HNMT: variants seen among roughly 807,000 people sequenced by gnomAD.
HNMT encodes the protein histamine N-methyltransferase.
In HNMT, 30 loss-of-function variants were observed where a neutral mutation model predicts 32.1. That is an observed-to-expected ratio of 0.93 (90% CI 0.70 to 1.27). The LOEUF (loss-of-function observed/expected upper bound fraction) is 1.27, where lower values mean the gene tolerates loss of function less well. HNMT is among the 50% of genes most tolerant of loss of function. The probability of loss-of-function intolerance (pLI) is 0.00; values close to 1 mark genes in which losing one functional copy is unlikely to be tolerated. For synonymous variants in HNMT, 125 were observed against 119.0 expected (o/e 1.05, Z -0.33); for missense variants, 327 against 346.0 (o/e 0.95, Z 0.43).
At chr2:138,010,441 G>GCACACACACACA (rs56391028) in intron 5 of HNMT, among the ~76,000 whole-genome samples, 3 of 125,586 alleles carry the variant, frequency 2.4e-5, no homozygotes, top group Non-Finnish European at 3.5e-5. Context: ...AAAGACACAC[G>GCACACACACACA]CACACACACA....
chr2:138,000,848 A>G (rs1487447582), intron 2 of HNMT, 70 bp from the exon 3 acceptor site: 3 of 787,232 alleles, frequency 3.8e-6, no homozygotes, highest in Non-Finnish European at 6.2e-6. Context: ...CAGATAATAA[A>G]TCAGCTAAAA....
intron 2 of HNMT, among the ~76,000 whole-genome samples, chr2:137,982,739 G>C (rs1232650003): frequency 6.6e-6 from 1 of 152,120 alleles, no homozygotes; most frequent in Non-Finnish European, 1.5e-5. Flanking sequence ...TTTGCTCATC[G>C]ATATTGCTTA....
In HNMT at chr2:138,000,981, A is replaced by G. The variant is rs773353371; in HGVS notation, c.254A>G (p.Asn85Ser). The G allele has an allele frequency of 8.1e-6, 13 of 1,609,590 alleles. No homozygotes were observed. The highest frequency in any genetic ancestry group is 1.1e-5 in the Non-Finnish European group (13 of 1,178,052). The stretch of plus-strand genomic sequence containing the variant: ...CAATACCCAGGAGTTTGTATCAACA[A>G]TGAAGTTGTTGAGCCAAGTGCTGAA... Reference protein sequence around the residue: ...QAQYPGVCINNEVVEPSAEQI... With the variant: ...QAQYPGVCINSEVVEPSAEQI... Residue 85 changes from asparagine (N) to serine (S), a missense_variant, in exon 3 of 6, where the codon AAT becomes AGT. Coordinates refer to ENST00000280097, the MANE Select transcript of HNMT (RefSeq NM_006895.3).
chr2:137,995,008 A>G (rs898835136), intron 2 of HNMT, among the ~76,000 whole-genome samples: 1 of 152,064 alleles, frequency 6.6e-6, no homozygotes, highest in African/African-American at 2.4e-5. Flanking sequence ...CTGGGACACA[A>G]CTAAAGCAGT....
intron 5 of HNMT, among the ~76,000 whole-genome samples, chr2:138,008,742 G>C (rs944568191): frequency 6.6e-6 from 1 of 152,012 alleles, no homozygotes; most frequent in Non-Finnish European, 1.5e-5. Flanking sequence ...ACTGAAGCCA[G>C]TCTCCTTCCT....
intron 2 of HNMT, among the ~76,000 whole-genome samples, chr2:137,971,186 C>CTTT (rs112341366): frequency 6.9e-6 from 1 of 145,794 alleles, no homozygotes; most frequent in African/African-American, 2.5e-5. Flanking sequence ...TCCTAAGCAC[C>CTTT]TTTTTTTTTT....
intron 5 of HNMT, among the ~76,000 whole-genome samples, chr2:138,013,035 G>A (rs544151572): frequency 1.3e-5 from 2 of 152,188 alleles, no homozygotes; most frequent in East Asian, 3.9e-4. Flanking sequence ...CTAATGTGCT[G>A]TTCCATACAG....
intron 4 of HNMT, among the ~76,000 whole-genome samples, chr2:138,004,036 CCTCT>C (rs1239571420): frequency 6.6e-6 from 1 of 151,962 alleles, no homozygotes; most frequent in Non-Finnish European, 1.5e-5. Flanking sequence ...AGCGTCTCTG[CCTCT>C]CTATTACTCA....
intron 2 of HNMT, among the ~76,000 whole-genome samples, chr2:137,978,225 T>C (rs893930602): frequency 6.6e-6 from 1 of 151,238 alleles, no homozygotes; most frequent in Admixed American, 6.6e-5. Context: ...TATCTAAAAC[T>C]ATATATGAGA....
chr2:137,968,164 C>T (rs913066633), intron 1 of HNMT, among the ~76,000 whole-genome samples: 2 of 151,888 alleles, frequency 1.3e-5, no homozygotes, highest in African/African-American at 4.8e-5. Context: ...GATGGTGGGG[C>T]AGGGCTTGGG....
intron 1 of HNMT, chr2:137,967,171 G>A: frequency 1.3e-6 from 1 of 766,482 alleles, no homozygotes; most frequent in Non-Finnish European, 2.4e-6. Context: ...AGCACTTCGG[G>A]AGGCTGAGGC....
chr2:137,992,013 G>C (rs566316350), intron 2 of HNMT: 2 of 128,654 alleles, frequency 1.6e-5, no homozygotes, highest in South Asian at 2.6e-4. Context: ...ACATGGAGTG[G>C]GGGAGCCCCC....
rs939570307 is a variant in HNMT at position 138,015,289 on chromosome 2, C to T, written c.*1159C>T. The T allele has an allele frequency of 2.0e-5, 3 of 152,032 alleles. No individual in the cohort carries two copies. Among genetic ancestry groups the T allele is most frequent in the African/African-American group, 7.2e-5 (3 of 41,412 alleles). 9.4% of individuals were successfully genotyped at this position (152,032 alleles called of 1,614,324 possible). ...TAAGTATGTAAATAATTAGTACTCC[C>T]TGTCACAAACAAAACAAAAGTAAGG... On this transcript the variant is annotated 3_prime_UTR_variant, in exon 6 of 6. Coordinates refer to ENST00000280097, the MANE Select transcript of HNMT (RefSeq NM_006895.3).
chr2:137,979,053 TA>T (rs1175335887), intron 2 of HNMT, among the ~76,000 whole-genome samples: 1 of 144,056 alleles, frequency 6.9e-6, no homozygotes, highest in Non-Finnish European at 1.5e-5. Context: ...TAGTAAATTG[TA>T]TAATATATAG....
At chr2:138,002,361 A>G (rs1573673677) in intron 4 of HNMT, 167 bp downstream of exon 4, 1 of 1,042,356 alleles carries the variant, frequency 9.6e-7, no homozygotes, top group South Asian at 4.6e-5. Context: ...TGTTTATTAT[A>G]CTAAGATTCT....
At chr2:137,969,184 A>C (rs992166418) in intron 1 of HNMT, among the ~76,000 whole-genome samples, 18 of 151,884 alleles carry the variant, frequency 1.2e-4, no homozygotes, top group Middle Eastern at 3.2e-3. Context: ...TCTGTGCTTT[A>C]TTTCTTTTCT....
At chr2:138,010,441 GCACACACACACA>G (rs56391028) in intron 5 of HNMT, among the ~76,000 whole-genome samples, 3,760 of 125,680 alleles carry the variant, frequency 0.03, 155 homozygotes, top group African/African-American at 0.099. Context: ...AAAGACACAC[GCACACACACACA>G]CACACACACA....
chr2:137,970,029 A>C, intron 1 of HNMT, 136 bp from the exon 2 acceptor site: 1 of 526,258 alleles, frequency 1.9e-6, no homozygotes. Context: ...TATAACTGAT[A>C]TAATTGGGAC....
chr2:137,990,210 A>G (rs1680777341), intron 2 of HNMT, among the ~76,000 whole-genome samples: 1 of 152,188 alleles, frequency 6.6e-6, no homozygotes, highest in African/African-American at 2.4e-5. Flanking sequence ...GGAATTTTAC[A>G]GTTTTATGTT....
Sources: allele counts gnomAD v4.1 joint callset (sites outside exome capture counted in the v4.1 genomes callset), GRCh38; gene constraint gnomAD v4.1.1; transcripts MANE v1.5; gene names NCBI Gene and HGNC (gene_info 2026-07-23, HGNC 2026-07-21).